The following PRR14L variants were observed in gnomAD, a reference collection of about 807,000 sequenced individuals.
PRR14L encodes the protein protein PRR14L.
A neutral mutation model predicts 155.0 loss-of-function variants in PRR14L; 80 were observed. That is an observed-to-expected ratio of 0.52 (90% confidence interval 0.43 to 0.62). PRR14L has a LOEUF of 0.62. PRR14L is among the 20% of genes least tolerant of loss of function. PRR14L has a pLI of 0.00. For synonymous variants in PRR14L, 883 were observed against 916.0 expected (o/e 0.96, Z 0.65); for missense variants, 2,469 against 2,548.0 (o/e 0.97, Z 0.67).
At position 31,703,605 on chromosome 22, in the gene PRR14L, T is replaced by C. The variant is rs976733233; in HGVS notation, c.5945A>G (p.Asp1982Gly). The change falls in exon 6 of 9, where the codon GAT (aspartate) becomes GGT (glycine). Residue 1982 changes from aspartate to glycine, a missense_variant. Transcript: ENST00000327423. ...EFQVRGLDEL[D>G]GVKAACPCPQ... ...GCAGGGGCATGCTGCTTTCACACCA[T>C]CCAGCTCATCCAATCCACGAACCTG... 26 of 1,613,822 alleles carry C rather than the reference T, an allele frequency of 1.6e-5. No homozygotes were observed. Among genetic ancestry groups the C allele is most frequent in the Non-Finnish European group, 1.9e-5 (23 of 1,179,942 alleles).
Position 31,708,592 on chromosome 22 carries a change from G to A in PRR14L, c.5756+3491C>T, listed in dbSNP as rs559331015. ...TTCGCCCGCCTTGGCCTCCCAAAGC[G>A]CTGGGAATACAGGCATGAGCCACCA... is the stretch of plus-strand genomic sequence containing the variant. On this transcript the variant is annotated intron_variant, in intron 4 of 8. Transcript: ENST00000327423. Among the ~76,000 whole-genome samples, 9 of 151,980 alleles carry A rather than the reference G, an allele frequency of 5.9e-5. No individual in the cohort carries two copies. In the East Asian group the frequency reaches 7.8e-4, roughly 13 times the overall value.
chr22:31,729,898 G>A (rs371430448), intron 2 of PRR14L, among the ~76,000 whole-genome samples: 1 of 152,074 alleles, frequency 6.6e-6, no homozygotes, highest in African/African-American at 2.4e-5. Flanking sequence ...TTTGGGCCGA[G>A]CACGGTGGTT....
chr22:31,687,748 TA>T (rs1569497005), intron 8 of PRR14L, among the ~76,000 whole-genome samples: 1 of 151,066 alleles, frequency 6.6e-6, no homozygotes. Context: ...TAGCTATTTA[TA>T]AAACCCAATA....
At chr22:31,719,159 T>C (rs1472113452) in intron 3 of PRR14L, among the ~76,000 whole-genome samples, 3 of 152,054 alleles carry the variant, frequency 2.0e-5, no homozygotes, top group East Asian at 3.9e-4. Context: ...CCCCAGCACT[T>C]TGGGAGGCTG....
Position 31,713,044 on chromosome 22 carries a change from G to A in PRR14L, c.4795C>T (p.His1599Tyr). 2 of 1,552,292 alleles carry A rather than the reference G, an allele frequency of 1.3e-6. No individual in the cohort carries two copies. The highest frequency in any genetic ancestry group is 1.7e-6 in the Non-Finnish European group (2 of 1,147,122). The change falls in exon 4 of 9, where the codon CAT (histidine) becomes TAT (tyrosine). Residue 1599 changes from histidine (H) to tyrosine (Y), a missense_variant. Transcript: ENST00000327423. ...CTAAAATTCAGGCTCCTCAAGGGAT[G>A]GCACGGTGTAGACATCTGCTTTGGT... Reference protein sequence around the residue: ...HIPKQMSTPCHPLRSLNFRKT... With the variant: ...HIPKQMSTPCYPLRSLNFRKT...
intron 2 of PRR14L, among the ~76,000 whole-genome samples, chr22:31,734,145 G>C (rs1235440566): frequency 2.0e-5 from 3 of 151,858 alleles, no homozygotes; most frequent in African/African-American, 7.3e-5. Flanking sequence ...GCTGATTTCT[G>C]CATTTTTAGT....
At chr22:31,702,820 A>AT (rs113096940) in intron 6 of PRR14L, among the ~76,000 whole-genome samples, 20,341 of 116,036 alleles carry the variant, frequency 0.18, 1,698 homozygotes, top group African/African-American at 0.3. Flanking sequence ...CCGGCCTTTT[A>AT]TTTTTTTTTT....
chr22:31,740,305 C>T (rs1240828420), intron 1 of PRR14L, among the ~76,000 whole-genome samples: 5 of 152,060 alleles, frequency 3.3e-5, no homozygotes, highest in African/African-American at 9.7e-5. Context: ...CTGCAACCTC[C>T]GCCTCCCAGG....
At chr22:31,690,426 C>T (rs1184280850) in intron 7 of PRR14L, among the ~76,000 whole-genome samples, 5 of 151,460 alleles carry the variant, frequency 3.3e-5, no homozygotes, top group African/African-American at 4.9e-5. Context: ...CTCAGGTGAT[C>T]CACCCATCTC....
intron 7 of PRR14L, among the ~76,000 whole-genome samples, chr22:31,697,030 G>A (rs748197881): frequency 6.4e-4 from 97 of 152,130 alleles, no homozygotes; most frequent in Non-Finnish European, 1.1e-3. Flanking sequence ...CAGGAGAATC[G>A]CCTGTACCTG....
intron 3 of PRR14L, 84 bp from the exon 4 acceptor site, chr22:31,717,375 T>C (rs1398389484): frequency 1.8e-6 from 2 of 1,097,648 alleles, no homozygotes; most frequent in East Asian, 2.6e-5. Flanking sequence ...TATGCTATGC[T>C]ACCAAGGGCA....
Position 31,716,216 on chromosome 22 carries a change from AC to A in PRR14L, c.1622del (p.Cys541LeufsTer4). 6.4e-7 allele frequency: 1 copy of A among 1,551,188 alleles called. No individual in the cohort carries two copies. Among genetic ancestry groups the A allele is most frequent in the Non-Finnish European group, 8.7e-7 (1 of 1,146,578 alleles). ...ILSKSFYTKD[C>X]NSLVSIQRNL... ...TTCTCTGGATGCTGACTAAGGAGTT[AC>A]AGTCTTTAGTGTAAAAAGATTTACT... On this transcript the variant is annotated frameshift_variant, in exon 4 of 9. Transcript: ENST00000327423. LOFTEE classifies it high-confidence loss of function.
chr22:31,736,699 C>T (rs1404916865), intron 2 of PRR14L, among the ~76,000 whole-genome samples: 1 of 152,052 alleles, frequency 6.6e-6, no homozygotes, highest in East Asian at 1.9e-4. Context: ...TATGTATTGC[C>T]TCTGCCCACT....
intron 7 of PRR14L, among the ~76,000 whole-genome samples, chr22:31,688,535 A>G (rs757489322): frequency 1.6e-4 from 25 of 152,250 alleles, no homozygotes; most frequent in East Asian, 5.8e-4. Flanking sequence ...CCTGTCTGTA[A>G]TATGTTTTAG....
rs577332124 is a variant in PRR14L, at chr22:31,743,283, C to CA, written c.-51-4373dup. Among the ~76,000 whole-genome samples, 29 of 151,972 alleles carry CA rather than the reference C, an allele frequency of 1.9e-4. No individual in the cohort carries two copies. In the East Asian group the frequency reaches 4.7e-3, roughly 24 times the overall value. On this transcript the variant is annotated intron_variant, in intron 1 of 8. Transcript: ENST00000327423. ...CGCCACTGCACTCCAGACTGGGAGACAAAACCGAAAGTCTGTCCAAAAAAA... is the reference window on the plus strand; with the variant it reads ...CGCCACTGCACTCCAGACTGGGAGACAAAAACCGAAAGTCTGTCCAAAAAAA...
chr22:31,714,994 T>C lies in PRR14L; in HGVS notation c.2845A>G (p.Met949Val), dbSNP rs758189531. 9.0e-6 allele frequency: 14 copies of C among 1,552,140 alleles called. No homozygotes were observed. Among genetic ancestry groups the C allele is most frequent in the Non-Finnish European group, 1.2e-5 (14 of 1,147,082 alleles). ...EKVLDQSPTV[M>V]FSSFKNVKSV... Reference sequence around the variant, plus strand: ...TTTACATTTTTAAAACTGGAGAACATAACAGTAGGAGACTGGTCCAACACT... The same window carrying C: ...TTTACATTTTTAAAACTGGAGAACACAACAGTAGGAGACTGGTCCAACACT... Residue 949 changes from methionine (M) to valine (V), a missense_variant, in exon 4 of 9, where the codon ATG (methionine) becomes GTG (valine). Physicochemically the swap from Met to Val is conservative, Grantham distance 21. Around this residue, in one of 2 missense-constraint regions of PRR14L, gnomAD observed 2,363 missense variants for 2,371.6 expected, o/e 1.00. Transcript: ENST00000327423.
Position 31,716,836 on chromosome 22 carries a change from G to C in PRR14L, c.1003C>G (p.Pro335Ala), listed in dbSNP as rs1335159415. Residue 335 changes from proline (P) to alanine (A), a missense_variant, in exon 4 of 9, where the codon CCT (proline) becomes GCT (alanine). Around this residue, in one of 2 missense-constraint regions of PRR14L, gnomAD observed 2,363 missense variants for 2,371.6 expected, o/e 1.00. Coordinates refer to ENST00000327423, the MANE Select transcript of PRR14L (RefSeq NM_173566.3). ...GAAACTTCAGAATTTTCTTTCAAAGGGCTTGTGGCTGTGGGACTATCATGT... is the reference window on the plus strand; with the variant it reads ...GAAACTTCAGAATTTTCTTTCAAAGCGCTTGTGGCTGTGGGACTATCATGT... ...STHDSPTATS[P>A]LKENSEVSCF... The C allele has an allele frequency of 6.4e-7, 1 of 1,551,912 alleles. No homozygotes were observed. Among genetic ancestry groups the C allele is most frequent in the East Asian group, 2.4e-5 (1 of 40,924 alleles).
chr22:31,718,547 C>T (rs935323947), intron 3 of PRR14L, among the ~76,000 whole-genome samples: 14 of 147,962 alleles, frequency 9.5e-5, no homozygotes, highest in Non-Finnish European at 2.1e-4. Context: ...AGCCACCACG[C>T]CCGGCCTGCC....
rs549316445 is a variant in PRR14L, at chr22:31,682,846, C to T, written c.*2681G>A. The T allele has an allele frequency of 2.6e-5, 4 of 152,166 alleles. No individual in the cohort carries two copies. Among genetic ancestry groups the T allele is most frequent in the Non-Finnish European group, 4.4e-5 (3 of 68,042 alleles). 9.4% of individuals were successfully genotyped at this position (152,166 alleles called of 1,614,324 possible). A position where few individuals can be genotyped will look rare whatever the true frequency, so the allele number is the denominator to read the frequency against. On this transcript the variant is annotated 3_prime_UTR_variant, in exon 9 of 9. Coordinates refer to ENST00000327423, the MANE Select transcript of PRR14L (RefSeq NM_173566.3). The stretch of plus-strand genomic sequence containing the variant: ...TCTGGGCAGGTGGTGTGCCAGCAGC[C>T]GATTACCATGTCCCATCGTGGTTAG...
Sources: allele counts gnomAD v4.1 joint callset (sites outside exome capture counted in the v4.1 genomes callset), GRCh38; gene constraint gnomAD v4.1.1; regional missense constraint gnomAD v4.1.1; transcripts MANE v1.5; gene names NCBI Gene and HGNC (gene_info 2026-07-23, HGNC 2026-07-21).